Variants in NME5 observed in about 807,000 individuals in gnomAD.
NME5 encodes nucleoside diphosphate kinase 5.
NME5 carries 18 observed loss-of-function variants against 21.6 expected under a neutral mutation model. The observed-to-expected ratio is 0.83, with a 90% CI of 0.58 to 1.24. The LOEUF (loss-of-function observed/expected upper bound fraction) is 1.24. NME5 is among the 50% of genes most tolerant of loss of function. The pLI, the probability that NME5 is intolerant of heterozygous loss-of-function variation, is 0.00. For synonymous variants in NME5, 70 were observed against 80.6 expected (o/e 0.87, Z 0.71); for missense variants, 223 against 255.4 (o/e 0.87, Z 0.86).
At position 138,118,950 on chromosome 5, in the gene NME5, T is replaced by C; in HGVS notation, c.437-14A>G. ...GCTCAACAATCACTGCAAATACAAA[T>C]GTATTCTCATTGATGCAAACATAAT... On this transcript the variant is annotated splice_polypyrimidine_tract_variant and intron_variant, in intron 4 of 5. Transcript: ENST00000265191. The C allele has an allele frequency of 2.9e-6, 4 of 1,376,142 alleles. No individual in the cohort carries two copies. Among genetic ancestry groups the C allele is most frequent in the Non-Finnish European group, 4.1e-6 (4 of 964,320 alleles). The allele number at this position is 1,376,142 out of a possible 1,614,324, so 85.2% of individuals were successfully genotyped here.
intron 5 of NME5, among the ~76,000 whole-genome samples, chr5:138,117,655 C>T (rs931410819): frequency 1.3e-5 from 2 of 152,042 alleles, no homozygotes; most frequent in Admixed American, 6.6e-5. Context: ...CGTGAGAAAC[C>T]ATTTTGTGTT....
At chr5:138,119,450 G>A (rs766185552) in intron 4 of NME5, among the ~76,000 whole-genome samples, 24 of 151,300 alleles carry the variant, frequency 1.6e-4, no homozygotes, top group Non-Finnish European at 2.2e-4. Flanking sequence ...CTCCTGTCTC[G>A]GCCTCCCAAA....
intron 2 of NME5, among the ~76,000 whole-genome samples, chr5:138,136,554 T>C (rs974874907): frequency 5.9e-5 from 9 of 152,126 alleles, no homozygotes; most frequent in African/African-American, 2.2e-4. Context: ...GAGTTGCAAA[T>C]CTTTTTCCCA....
intron 5 of NME5, 39 bp from the exon 6 acceptor site, chr5:138,115,803 T>C: frequency 7.1e-7 from 1 of 1,402,168 alleles, no homozygotes; most frequent in South Asian, 1.3e-5. Flanking sequence ...TAAGAAACAG[T>C]TACATATTTC....
chr5:138,129,786 C>T (rs1308556082), intron 2 of NME5, among the ~76,000 whole-genome samples: 2 of 151,992 alleles, frequency 1.3e-5, no homozygotes, highest in African/African-American at 4.8e-5. Flanking sequence ...AGTGAAACCC[C>T]GTCTCTACTA....
At chr5:138,131,986 C>T (rs1751580219) in intron 2 of NME5, among the ~76,000 whole-genome samples, 1 of 152,210 alleles carries the variant, frequency 6.6e-6, no homozygotes, top group Non-Finnish European at 1.5e-5. Context: ...CTCAGATGAT[C>T]TGCCCACCTT....
intron 3 of NME5, 90 bp downstream of exon 3, chr5:138,129,173 A>T (rs575702352): frequency 8.6e-7 from 1 of 1,158,452 alleles, no homozygotes; most frequent in South Asian, 1.4e-5. Flanking sequence ...AAATAAAAAA[A>T]AAATTCCCAT....
chr5:138,138,605 TAAGGG>T (rs1167840894), intron 2 of NME5, 42 bp downstream of exon 2: 2 of 1,551,606 alleles, frequency 1.3e-6, no homozygotes, highest in Admixed American at 2.1e-5. Context: ...ATTTTTTTTT[TAAGGG>T]CAGAGAGGAA....
chr5:138,129,335 T>G lies in NME5; in HGVS notation c.263A>C (p.Lys88Thr). The change falls in exon 3 of 6, where the codon AAA (lysine) becomes ACA (threonine). Residue 88 changes from lysine (K) to threonine (T), a missense_variant. Physicochemically the swap from Lys to Thr is moderately conservative, Grantham distance 78. Transcript: ENST00000265191. ...PLVAMILARHKAISYWLELLG... is the reference protein window; with the variant it reads ...PLVAMILARHTAISYWLELLG... ...AAGTTCTAACCAATAAGAGATGGCT[T>G]TATGTCTAGCTAATATCATGGCGAC... 1 of 1,614,054 alleles carries G rather than the reference T, an allele frequency of 6.2e-7. No individual in the cohort carries two copies. The highest frequency in any genetic ancestry group is 1.6e-4 in the Middle Eastern group (1 of 6,062).
At chr5:138,120,972 G>A (rs1751274106) in intron 4 of NME5, among the ~76,000 whole-genome samples, 1 of 152,064 alleles carries the variant, frequency 6.6e-6, no homozygotes. Flanking sequence ...TTAGCCTACA[G>A]TTGGGCAAAA....
chr5:138,132,718 C>T (rs1287106400), intron 2 of NME5, among the ~76,000 whole-genome samples: 4 of 152,120 alleles, frequency 2.6e-5, no homozygotes, highest in Admixed American at 6.6e-5. Context: ...TTTAGGAACA[C>T]GCTTACCTAG....
intron 4 of NME5, among the ~76,000 whole-genome samples, chr5:138,125,582 C>T (rs1241733598): frequency 6.6e-6 from 1 of 151,862 alleles, no homozygotes; most frequent in Non-Finnish European, 1.5e-5. Flanking sequence ...CTGTGACCAC[C>T]CCCCAGAAAA....
chr5:138,131,934 G>T (rs1009816258), intron 2 of NME5, among the ~76,000 whole-genome samples: 5 of 152,132 alleles, frequency 3.3e-5, no homozygotes, highest in Non-Finnish European at 7.3e-5. Flanking sequence ...AGTAGAGACA[G>T]GTTTTTCGCT....
At chr5:138,116,049 T>C (rs925058033) in intron 5 of NME5, among the ~76,000 whole-genome samples, 1 of 152,174 alleles carries the variant, frequency 6.6e-6, no homozygotes. Flanking sequence ...TCAGCGAAGA[T>C]GTAGGTTACA....
At chr5:138,124,414 T>C (rs760361011) in intron 4 of NME5, among the ~76,000 whole-genome samples, 20 of 152,208 alleles carry the variant, frequency 1.3e-4, no homozygotes, top group Non-Finnish European at 4.4e-5. Context: ...TTTTTGGATA[T>C]TGATTTGTAA....
chr5:138,129,472 T>G lies in NME5; in HGVS notation c.130-4A>C. On this transcript the variant is annotated splice_polypyrimidine_tract_variant and splice_region_variant and intron_variant, in intron 2 of 5. Transcript: ENST00000265191. ...GGCTGAGGCGTAGTTTTCTTCTCTA[T>G]AAAAGACACAAAGTCAACAAAAGCA... 1.9e-6 allele frequency: 3 copies of G among 1,608,738 alleles called. No homozygotes were observed. Among genetic ancestry groups the G allele is most frequent in the Non-Finnish European group, 2.6e-6 (3 of 1,175,464 alleles).
At chr5:138,127,073 G>A (rs1438551668) in intron 4 of NME5, among the ~76,000 whole-genome samples, 2 of 152,290 alleles carry the variant, frequency 1.3e-5, no homozygotes, top group African/African-American at 4.8e-5. Context: ...TAATCCCAGT[G>A]TTTGGGGAGG....
chr5:138,134,615 G>A (rs963514803), intron 2 of NME5, among the ~76,000 whole-genome samples: 1 of 151,774 alleles, frequency 6.6e-6, no homozygotes, highest in Non-Finnish European at 1.5e-5. Context: ...TTTGACCTCA[G>A]GTGATCCACC....
intron 2 of NME5, among the ~76,000 whole-genome samples, chr5:138,135,916 T>C (rs1337991152): frequency 6.6e-6 from 1 of 152,224 alleles, no homozygotes; most frequent in African/African-American, 2.4e-5. Flanking sequence ...AAAAGGTTGG[T>C]ACACATGATT....
Sources: gnomAD v4.1 joint callset for allele counts (sites outside exome capture counted in the v4.1 genomes callset) on GRCh38, gnomAD v4.1.1 for gene constraint, MANE v1.5 for transcripts, NCBI Gene and HGNC (gene_info 2026-07-23, HGNC 2026-07-21) for gene names.